The following TUBB2B variants were observed in gnomAD, a reference collection of about 807,000 sequenced individuals.
TUBB2B encodes the protein tubulin beta-2B chain.
A neutral mutation model predicts 35.0 loss-of-function variants in TUBB2B; 5 were observed. The ratio of observed to expected loss-of-function variants is 0.14; its 90% confidence interval spans 0.07 to 0.30. The LOEUF (loss-of-function observed/expected upper bound fraction) is 0.30. Among genes scored for constraint, TUBB2B ranks in the 10% least tolerant of loss-of-function variants. TUBB2B has a pLI of 1.00. For synonymous variants in TUBB2B, 166 were observed against 250.5 expected (o/e 0.66, Z 3.18); for missense variants, 63 against 601.8 (o/e 0.10, Z 9.37).
In TUBB2B at chr6:3,226,337, T is replaced by G. The variant is rs1210231717; in HGVS notation, c.167-68A>C. The G allele has an allele frequency of 2.2e-6, 3 of 1,392,768 alleles. No homozygotes were observed. The highest frequency in any genetic ancestry group is 3.0e-6 in the Non-Finnish European group (3 of 986,994). The allele number at this position is 1,392,768 out of a possible 1,614,324, so 86.3% of individuals were successfully genotyped here. ...CTGCAGAGAAGGGCTTGGCGCCTGC[T>G]GCCATCATGCAGATGTTGCCCCAAA... On this transcript the variant is annotated intron_variant, in intron 2 of 3. Transcript: ENST00000259818. The surrounding 1 kb of genome is among the most constrained non-coding windows in gnomAD (Gnocchi z 5.5).
At position 3,224,510 on chromosome 6, in the gene TUBB2B, T is replaced by C; in HGVS notation, c.*241A>G. 2 of 627,678 alleles carry C rather than the reference T, an allele frequency of 3.2e-6. No individual in the cohort carries two copies. The highest frequency in any genetic ancestry group is 5.5e-6 in the Non-Finnish European group (2 of 366,058). 38.9% of individuals were successfully genotyped at this position (627,678 alleles called of 1,614,324 possible). ...AGAGGACACCATTCCGACACAAACGTTTATGTGATTTTAGCCATTACAACA... is the reference window on the plus strand; with the variant it reads ...AGAGGACACCATTCCGACACAAACGCTTATGTGATTTTAGCCATTACAACA... On this transcript the variant is annotated 3_prime_UTR_variant, in exon 4 of 4. Transcript: ENST00000259818.
Position 3,226,858 on chromosome 6 carries a change from TC to T in TUBB2B, c.58-190del. 6.6e-6 allele frequency among the ~76,000 whole-genome samples: 1 copy of T among 152,158 alleles called. No homozygotes were observed. ...GTTCAGAAAGTTGAAACTGGGCGTT[TC>T]CCAGGCAAACAGCTGCCGCTCGCGG... is the stretch of plus-strand genomic sequence containing the variant. On this transcript the variant is annotated intron_variant, in intron 1 of 3. Transcript: ENST00000259818. The surrounding 1 kb of genome is among the most constrained non-coding windows in gnomAD (Gnocchi z 5.5).
intron 3 of TUBB2B, 27 bp from the exon 4 acceptor site, chr6:3,225,838 G>C (rs780781212): frequency 6.2e-7 from 1 of 1,613,516 alleles, no homozygotes; most frequent in South Asian, 1.1e-5. Flanking sequence ...GAAATCTTAA[G>C]TCACCGGTGA....
In TUBB2B at chr6:3,227,418, G is replaced by C. The variant is rs2113820352; in HGVS notation, c.57+69C>G. On this transcript the variant is annotated intron_variant, in intron 1 of 3. Coordinates refer to ENST00000259818, the MANE Select transcript of TUBB2B (RefSeq NM_178012.5). The surrounding 1 kb of genome is among the most constrained non-coding windows in gnomAD (Gnocchi z 7.8). Reference sequence around the variant, plus strand: ...CCCAGGCCTTCCCAGGACCGCGCCTGGGGACCCCGAGGGGCTCTCGGCCCA... The same window carrying C: ...CCCAGGCCTTCCCAGGACCGCGCCTCGGGACCCCGAGGGGCTCTCGGCCCA... 1 of 1,587,096 alleles carries C rather than the reference G, an allele frequency of 6.3e-7. No individual in the cohort carries two copies. The highest frequency in any genetic ancestry group is 2.3e-5 in the East Asian group (1 of 44,304).
In TUBB2B at chr6:3,226,046, T is replaced by G; in HGVS notation, c.277+113A>C. 1 of 1,350,166 alleles carries G rather than the reference T, an allele frequency of 7.4e-7. No homozygotes were observed. The highest frequency in any genetic ancestry group is 1.1e-6 in the Non-Finnish European group (1 of 951,988). The allele number at this position is 1,350,166 out of a possible 1,614,324, so 83.6% of individuals were successfully genotyped here. On this transcript the variant is annotated intron_variant, in intron 3 of 3. Coordinates refer to ENST00000259818, the MANE Select transcript of TUBB2B (RefSeq NM_178012.5). This position sits in a 1 kb window ranked among gnomAD's most constrained non-coding sequence, Gnocchi z 5.5. ...AATTTTACACTATATTAAAGCTAAG[T>G]TGGCACACCGCGGATGTTCTTCATG...
chr6:3,226,335 G>T lies in TUBB2B; in HGVS notation c.167-66C>A. 7.1e-7 allele frequency: 1 copy of T among 1,410,742 alleles called. No individual in the cohort carries two copies. The highest frequency in any genetic ancestry group is 1.2e-5 in the South Asian group (1 of 85,376). 87.4% of individuals were successfully genotyped at this position (1,410,742 alleles called of 1,614,324 possible). A position where few individuals can be genotyped will look rare whatever the true frequency, so the allele number is the denominator to read the frequency against. On this transcript the variant is annotated intron_variant, in intron 2 of 3. Transcript: ENST00000259818. The surrounding 1 kb of genome is among the most constrained non-coding windows in gnomAD (Gnocchi z 5.5). The stretch of plus-strand genomic sequence containing the variant: ...CTCTGCAGAGAAGGGCTTGGCGCCT[G>T]CTGCCATCATGCAGATGTTGCCCCA...
chr6:3,227,532 G>A lies in TUBB2B; in HGVS notation c.12C>T (p.Ile4=), dbSNP rs775446890. The A allele has an allele frequency of 3.7e-6, 6 of 1,610,726 alleles. No homozygotes were observed. The South Asian group carries it at 4.4e-5, about 12-fold the overall frequency. The part of the protein sequence containing the change: MRE[I]VHIQAGQCGN... ...CGCACTGGCCCGCCTGGATGTGCACGATCTCACGCATGGTGCCTCGTCAGC... is the reference window on the plus strand; with the variant it reads ...CGCACTGGCCCGCCTGGATGTGCACAATCTCACGCATGGTGCCTCGTCAGC... The change falls in exon 1 of 4, where the codon ATC becomes ATT. Residue 4 remains isoleucine (I), a synonymous_variant. Transcript: ENST00000259818. This position sits in a 1 kb window ranked among gnomAD's most constrained non-coding sequence, Gnocchi z 7.8.
intron 3 of TUBB2B, 151 bp from the exon 4 acceptor site, chr6:3,225,962 A>T: frequency 1.4e-6 from 2 of 1,458,294 alleles, no homozygotes; most frequent in Non-Finnish European, 1.9e-6. Flanking sequence ...TTTGTTCATG[A>T]ATATAATTAT....
Position 3,226,640 on chromosome 6 carries a change from C to CT in TUBB2B, c.86_87insA (p.Ile30AspfsTer2). 6.2e-7 allele frequency: 1 copy of CT among 1,614,154 alleles called. No homozygotes were observed. Among genetic ancestry groups the CT allele is most frequent in the South Asian group, 1.1e-5 (1 of 91,082 alleles). ...CATGGTAACTGCCAGTGGGGTCAAT[C>CT]CCATGCTCATCACTGATGACCTCCC... On this transcript the variant is annotated frameshift_variant, in exon 2 of 4. Transcript: ENST00000259818. LOFTEE classifies it high-confidence loss of function. The surrounding 1 kb of genome is among the most constrained non-coding windows in gnomAD (Gnocchi z 5.5).
In TUBB2B at chr6:3,226,462, TC is replaced by T; in HGVS notation, c.166+98del. ...AGAGCGGGGATCCTAAACTGAATAGTCCACCCTCTCCCAGGGCCACACCCCT... is the reference window on the plus strand; with the variant it reads ...AGAGCGGGGATCCTAAACTGAATAGTCACCCTCTCCCAGGGCCACACCCCT... On this transcript the variant is annotated intron_variant, in intron 2 of 3. Coordinates refer to ENST00000259818, the MANE Select transcript of TUBB2B (RefSeq NM_178012.5). This position sits in a 1 kb window ranked among gnomAD's most constrained non-coding sequence, Gnocchi z 5.5. 8.4e-7 allele frequency: 1 copy of T among 1,183,792 alleles called. No individual in the cohort carries two copies. The highest frequency in any genetic ancestry group is 1.3e-6 in the Non-Finnish European group (1 of 790,952). The allele number at this position is 1,183,792 out of a possible 1,614,324, so 73.3% of individuals were successfully genotyped here.
chr6:3,227,429 G>A lies in TUBB2B; in HGVS notation c.57+58C>T. Reference sequence around the variant, plus strand: ...CCAGGACCGCGCCTGGGGACCCCGAGGGGCTCTCGGCCCAGGTTCGCGCCC... The same window carrying A: ...CCAGGACCGCGCCTGGGGACCCCGAAGGGCTCTCGGCCCAGGTTCGCGCCC... On this transcript the variant is annotated intron_variant, in intron 1 of 3. Coordinates refer to ENST00000259818, the MANE Select transcript of TUBB2B (RefSeq NM_178012.5). This position sits in a 1 kb window ranked among gnomAD's most constrained non-coding sequence, Gnocchi z 7.8. 4 of 1,595,134 alleles carry A rather than the reference G, an allele frequency of 2.5e-6. No homozygotes were observed. The South Asian group carries it at 4.4e-5, about 18-fold the overall frequency.
At position 3,226,571 on chromosome 6, in the gene TUBB2B, A is replaced by G. The variant is rs1437501793; in HGVS notation, c.156T>C (p.Asn52=). 4 of 1,614,064 alleles carry G rather than the reference A, an allele frequency of 2.5e-6. No homozygotes were observed. The highest frequency in any genetic ancestry group is 3.4e-6 in the Non-Finnish European group (4 of 1,179,920). The part of the protein sequence containing the change: ...LQLERINVYY[N]EATGNKYVPR... ...GGCAAGGGTGATTACCAGTGGCTTC[A>G]TTGTAGTAAACATTGATTCTCTCCA... The change falls in exon 2 of 4, where the codon AAT becomes AAC. Residue 52 remains asparagine, a synonymous_variant. Coordinates refer to ENST00000259818, the MANE Select transcript of TUBB2B (RefSeq NM_178012.5). The surrounding 1 kb of genome is among the most constrained non-coding windows in gnomAD (Gnocchi z 5.5).
chr6:3,224,736 G>C lies in TUBB2B; in HGVS notation c.*15C>G. On this transcript the variant is annotated 3_prime_UTR_variant, in exon 4 of 4. Coordinates refer to ENST00000259818, the MANE Select transcript of TUBB2B (RefSeq NM_178012.5). ...TTTCCTCCTCCGCTTTCCCTAACCC[G>C]TCTCGCGGGGGCATCTACGCCTCGT... 3.1e-6 allele frequency: 5 copies of C among 1,613,048 alleles called. No individual in the cohort carries two copies. In the Middle Eastern group the frequency reaches 5.0e-4, roughly 160 times the overall value.
In TUBB2B at chr6:3,224,906, G is replaced by A. The variant is rs1187453554; in HGVS notation, c.1183C>T (p.Leu395=). ...FTAMFRRKAF[L]HWYTGEGMDE... is the part of the protein sequence containing the mutation. ...ATGCCCTCGCCCGTGTACCAGTGCA[G>A]GAAGGCCTTGCGCCGGAACATGGCC... is the stretch of plus-strand genomic sequence containing the variant. The change falls in exon 4 of 4, where the codon CTG becomes TTG. Residue 395 remains leucine (L), a synonymous_variant. Transcript: ENST00000259818. 1.3e-6 allele frequency: 2 copies of A among 1,596,206 alleles called. No individual in the cohort carries two copies. The highest frequency in any genetic ancestry group is 1.7e-6 in the Non-Finnish European group (2 of 1,175,000).
In TUBB2B at chr6:3,224,606, G is replaced by A. The variant is rs1757248398; in HGVS notation, c.*145C>T. 4 of 1,236,204 alleles carry A rather than the reference G, an allele frequency of 3.2e-6. No individual in the cohort carries two copies. Among genetic ancestry groups the A allele is most frequent in the African/African-American group, 1.5e-5 (1 of 65,632 alleles). 76.6% of individuals were successfully genotyped at this position (1,236,204 alleles called of 1,614,324 possible). On this transcript the variant is annotated 3_prime_UTR_variant, in exon 4 of 4. Coordinates refer to ENST00000259818, the MANE Select transcript of TUBB2B (RefSeq NM_178012.5). ...ACAAAAAAGGAAAAAAAAAGTGACAGGCAACAGTGAAGAGCACCAGAGACC... is the reference window on the plus strand; with the variant it reads ...ACAAAAAAGGAAAAAAAAAGTGACAAGCAACAGTGAAGAGCACCAGAGACC...
Position 3,227,047 on chromosome 6 carries a change from G to C in TUBB2B, c.58-378C>G, listed in dbSNP as rs1435142611. On this transcript the variant is annotated intron_variant, in intron 1 of 3. Coordinates refer to ENST00000259818, the MANE Select transcript of TUBB2B (RefSeq NM_178012.5). The surrounding 1 kb of genome is among the most constrained non-coding windows in gnomAD (Gnocchi z 7.8). Reference sequence around the variant, plus strand: ...AAAGAGGAACGCAAAGGAGCTAAAGGACCGCGGTTTTAGATTCAAAGCACG... The same window carrying C: ...AAAGAGGAACGCAAAGGAGCTAAAGCACCGCGGTTTTAGATTCAAAGCACG... Among the ~76,000 whole-genome samples the C allele has an allele frequency of 1.3e-5, 2 of 152,182 alleles. No homozygotes were observed. Among genetic ancestry groups the C allele is most frequent in the African/African-American group, 4.8e-5 (2 of 41,466 alleles).
chr6:3,224,318 G>GTTGATC lies in TUBB2B; in HGVS notation c.*427_*432dup, dbSNP rs2113818516. The GTTGATC allele has an allele frequency of 4.7e-6, 1 of 211,760 alleles. No individual in the cohort carries two copies. The highest frequency in any genetic ancestry group is 9.5e-6 in the Non-Finnish European group (1 of 105,446). 13.1% of individuals were successfully genotyped at this position (211,760 alleles called of 1,614,324 possible). ...TTATTAAAGGTATTTTAAAACTCAG[G>GTTGATC]TTGATCTCTCATCTTAACTGTGATT... On this transcript the variant is annotated 3_prime_UTR_variant, in exon 4 of 4. Coordinates refer to ENST00000259818, the MANE Select transcript of TUBB2B (RefSeq NM_178012.5).
Position 3,226,803 on chromosome 6 carries a change from G to T in TUBB2B, c.58-134C>A. 1 of 820,266 alleles carries T rather than the reference G, an allele frequency of 1.2e-6. No individual in the cohort carries two copies. Among genetic ancestry groups the T allele is most frequent in the Non-Finnish European group, 2.1e-6 (1 of 471,440 alleles). The allele number at this position is 820,266 out of a possible 1,614,324, so 50.8% of individuals were successfully genotyped here. A position where few individuals can be genotyped will look rare whatever the true frequency, so the allele number is the denominator to read the frequency against. ...GAAGCTTTAAAGGGCGTCGTGACCC[G>T]GGCACAGCCGCGGGGCTTGTATTTT... On this transcript the variant is annotated intron_variant, in intron 1 of 3. Transcript: ENST00000259818. This position sits in a 1 kb window ranked among gnomAD's most constrained non-coding sequence, Gnocchi z 5.5.
chr6:3,225,939 A>C, intron 3 of TUBB2B, 128 bp from the exon 4 acceptor site: 1 of 1,491,940 alleles, frequency 6.7e-7, no homozygotes, highest in African/African-American at 1.4e-5. Context: ...CAAAATGGCC[A>C]AACGTTAAAA....
Sources: allele counts gnomAD v4.1 joint callset (sites outside exome capture counted in the v4.1 genomes callset), GRCh38; gene constraint gnomAD v4.1.1; non-coding constraint Gnocchi (gnomAD v3.1); transcripts MANE v1.5; gene names NCBI Gene and HGNC (gene_info 2026-07-23, HGNC 2026-07-21).